The following NEBL variants were observed in gnomAD, a reference collection of about 807,000 sequenced individuals.
NEBL encodes nebulette.
Under a neutral mutation model 140.2 loss-of-function variants are expected in NEBL, and 122 were observed. The observed-to-expected ratio is 0.87, with a 90% CI of 0.75 to 1.01. NEBL has a LOEUF of 1.01. Among genes scored for constraint, NEBL ranks in the 50% least tolerant of loss-of-function variants. The pLI is 0.00. For missense variants in NEBL, 1,365 were observed against 1,231.3 expected (o/e 1.11, Z -1.62); for synonymous variants, 436 against 398.9 (o/e 1.09, Z -1.11).
chr10:21,292,569 A>G (rs1843159698), intron 1 of NEBL, among the ~76,000 whole-genome samples: 1 of 152,238 alleles, frequency 6.6e-6, no homozygotes, highest in Non-Finnish European at 1.5e-5. Context: ...AACTGCAATT[A>G]TACTTTTATC....
intron 1 of NEBL, among the ~76,000 whole-genome samples, chr10:21,270,213 C>G (rs186477397): frequency 6.6e-6 from 1 of 152,274 alleles, no homozygotes; most frequent in Non-Finnish European, 1.5e-5. Context: ...ATATTAATTT[C>G]TTAATTGTGC....
intron 7 of NEBL, chr10:20,867,656 T>G (rs1459792534): frequency 1.3e-5 from 2 of 152,132 alleles, no homozygotes; most frequent in Admixed American, 1.3e-4. Context: ...AATTATTTTA[T>G]TGTTTGCATT....
intron 4 of NEBL, among the ~76,000 whole-genome samples, chr10:20,937,479 A>G (rs1834554866): frequency 6.6e-6 from 1 of 152,214 alleles, no homozygotes; most frequent in Admixed American, 6.5e-5. Context: ...ATGGTCGAAT[A>G]GGAACAGCTC....
At chr10:20,924,203 C>T (rs959483600) in intron 4 of NEBL, among the ~76,000 whole-genome samples, 1 of 151,888 alleles carries the variant, frequency 6.6e-6, no homozygotes, top group Non-Finnish European at 1.5e-5. Flanking sequence ...ATTGGCATTT[C>T]ATGGGTAGGG....
At chr10:20,874,775 T>C (rs1353005271) in intron 5 of NEBL, among the ~76,000 whole-genome samples, 1 of 152,172 alleles carries the variant, frequency 6.6e-6, no homozygotes, top group Non-Finnish European at 1.5e-5. Flanking sequence ...AGTCTTGCTA[T>C]GTCACCCAGG....
At chr10:20,877,246 T>A (rs548640487) in intron 5 of NEBL, among the ~76,000 whole-genome samples, 1 of 152,260 alleles carries the variant, frequency 6.6e-6, no homozygotes, top group Admixed American at 6.5e-5. Context: ...TCTTCAGAGG[T>A]AGATATCGTT....
chr10:21,249,970 A>T (rs1171193101), intron 2 of NEBL, among the ~76,000 whole-genome samples: 1 of 152,124 alleles, frequency 6.6e-6, no homozygotes, highest in Non-Finnish European at 1.5e-5. Context: ...AGGCTGAGGT[A>T]CAAGTATCAC....
At position 21,044,291 on chromosome 10, in the gene NEBL, G is replaced by GGAGGCT. The variant is rs1834402439; in HGVS notation, c.165-24096_165-24091dup. 2.0e-5 allele frequency among the ~76,000 whole-genome samples: 3 copies of GGAGGCT among 151,516 alleles called. No homozygotes were observed. The South Asian group carries it at 6.2e-4, about 32-fold the overall frequency. The stretch of plus-strand genomic sequence containing the variant: ...GGGCGCCTGTAATCCCAGCAGCTCA[G>GGAGGCT]GAGGCTGAGGCAGGAGAATCGCTTG... On this transcript the variant is annotated intron_variant, in intron 2 of 6. Coordinates refer to the NEBL transcript ENST00000417816.
chr10:21,023,208 G>T (rs1838870905), intron 2 of NEBL, among the ~76,000 whole-genome samples: 1 of 152,126 alleles, frequency 6.6e-6, no homozygotes, highest in Non-Finnish European at 1.5e-5. Flanking sequence ...AGATTTTCAG[G>T]TCTCTACAAT....
chr10:20,984,645 C>T (rs145546772), intron 3 of NEBL, among the ~76,000 whole-genome samples: 8 of 152,136 alleles, frequency 5.3e-5, no homozygotes, highest in African/African-American at 1.9e-4. Flanking sequence ...TTCCCCCATT[C>T]ATTCTCTGTG....
At chr10:21,219,120 C>T (rs1479587299) in intron 3 of NEBL, among the ~76,000 whole-genome samples, 2 of 152,194 alleles carry the variant, frequency 1.3e-5, no homozygotes, top group Admixed American at 1.3e-4. Context: ...AGCATGTGGT[C>T]AGGCCAAGAC....
At chr10:20,885,839 G>A (rs1175338634) in intron 4 of NEBL, among the ~76,000 whole-genome samples, 3 of 152,146 alleles carry the variant, frequency 2.0e-5, no homozygotes, top group Admixed American at 6.5e-5. Flanking sequence ...ATATTGGCAG[G>A]AAAAATAAAG....
chr10:20,952,892 G>A (rs1411866961), intron 4 of NEBL, among the ~76,000 whole-genome samples: 1 of 106,274 alleles, frequency 9.4e-6, no homozygotes, highest in East Asian at 3.0e-4. Context: ...GTGACAGAGT[G>A]AGACCCTGTC....
intron 4 of NEBL, among the ~76,000 whole-genome samples, chr10:20,948,367 T>C (rs1254208192): frequency 6.6e-6 from 1 of 152,218 alleles, no homozygotes; most frequent in Non-Finnish European, 1.5e-5. Flanking sequence ...TGGTGTGGTT[T>C]ATTTCATTAT....
At chr10:20,958,064 A>C (rs1835887056) in intron 4 of NEBL, among the ~76,000 whole-genome samples, 1 of 152,166 alleles carries the variant, frequency 6.6e-6, no homozygotes, top group Non-Finnish European at 1.5e-5. Context: ...AGGTACCCTG[A>C]ATGCATTGCT....
chr10:20,880,988 T>C (rs933996911), intron 4 of NEBL, 84 bp from the exon 5 acceptor site: 4 of 978,290 alleles, frequency 4.1e-6, no homozygotes, highest in Non-Finnish European at 6.5e-6. Context: ...CAGGACTTTA[T>C]ATATTTGAAT....
At chr10:21,026,577 G>T (rs1415742763) in intron 2 of NEBL, among the ~76,000 whole-genome samples, 1 of 152,072 alleles carries the variant, frequency 6.6e-6, no homozygotes, top group African/African-American at 2.4e-5. Context: ...TCCCTCCTGA[G>T]CACTTAAGTC....
At chr10:21,024,648 T>C (rs746451496) in intron 2 of NEBL, among the ~76,000 whole-genome samples, 2 of 151,936 alleles carry the variant, frequency 1.3e-5, no homozygotes, top group African/African-American at 4.8e-5. Flanking sequence ...AAAATTACAA[T>C]ATCTGTAGGA....
chr10:20,866,447 T>C (rs1458427303), intron 7 of NEBL, among the ~76,000 whole-genome samples: 1 of 152,192 alleles, frequency 6.6e-6, no homozygotes, highest in Non-Finnish European at 1.5e-5. Flanking sequence ...TCCTATTATG[T>C]TCTCTAAGCA....
Sources: gnomAD v4.1 joint callset for allele counts (sites outside exome capture counted in the v4.1 genomes callset) on GRCh38, gnomAD v4.1.1 for gene constraint, MANE v1.5 for transcripts, NCBI Gene and HGNC (gene_info 2026-07-23, HGNC 2026-07-21) for gene names.